The following RABGAP1L variants were observed in gnomAD, a reference collection of about 807,000 sequenced individuals.
RABGAP1L encodes rab GTPase-activating protein 1-like.
A neutral mutation model predicts 137.7 loss-of-function variants in RABGAP1L; 63 were observed. The observed-to-expected ratio is 0.46, with a 90% confidence interval of 0.37 to 0.56. The LOEUF (loss-of-function observed/expected upper bound fraction) is 0.56, where lower values mean the gene tolerates loss of function less well. Ranked by LOEUF, RABGAP1L falls within the 20% of genes least tolerant of loss-of-function variation. The pLI is 0.00. For missense variants in RABGAP1L, 1,095 were observed against 1,244.0 expected, an observed-to-expected ratio of 0.88 and a Z score of 1.80; for synonymous variants, 431 against 433.7, an observed-to-expected ratio of 0.99 and a Z score of 0.08.
chr1:174,159,707 G>C (rs1190145492), intron 1 of RABGAP1L, 50 bp downstream of exon 1: 2 of 152,424 alleles, frequency 1.3e-5, no homozygotes, highest in East Asian at 3.9e-4. Context: ...CGGCGGCCCG[G>C]ATCCGCGGGC....
intron 19 of RABGAP1L, chr1:174,893,299 T>A (rs1026712465): frequency 6.6e-6 from 1 of 152,348 alleles, no homozygotes; most frequent in Non-Finnish European, 1.5e-5. Flanking sequence ...TCTTGGCCAC[T>A]GAAATCACAG....
chr1:174,947,038 C>T lies in RABGAP1L; in HGVS notation c.2341-10419C>T, dbSNP rs1315291134. 2.1e-5 allele frequency among the ~76,000 whole-genome samples: 3 copies of T among 143,852 alleles called. No homozygotes were observed. In the East Asian group the frequency reaches 6.0e-4, roughly 29 times the overall value. 94.4% of individuals were successfully genotyped at this position (143,852 alleles called of 152,430 possible). A position where few individuals can be genotyped will look rare whatever the true frequency, so the allele number is the denominator to read the frequency against. Reference sequence around the variant, plus strand: ...TTCAGTGCTTAGGTCAGTGCTGCAGCATGCATTTTGTGCTCAATTAAAGGA... The same window carrying T: ...TTCAGTGCTTAGGTCAGTGCTGCAGTATGCATTTTGTGCTCAATTAAAGGA... On this transcript the variant is annotated intron_variant, in intron 19 of 25. Coordinates refer to ENST00000681986, the MANE Select transcript of RABGAP1L (RefSeq NM_001366446.1).
chr1:174,492,451 C>T (rs1420975698), intron 13 of RABGAP1L, among the ~76,000 whole-genome samples: 3 of 151,126 alleles, frequency 2.0e-5, no homozygotes, highest in Non-Finnish European at 2.9e-5. Context: ...CAGATTCAAG[C>T]GATTCTCCAT....
In RABGAP1L at chr1:174,562,014, T is replaced by C. The variant is rs142144759; in HGVS notation, c.1711-75361T>C. ...GCCAAAATTGACACATGGGATCTAA[T>C]TAAACTAAAGAGCTTCTGCACAGAA... On this transcript the variant is annotated intron_variant, in intron 13 of 25. Transcript: ENST00000681986. Among the ~76,000 whole-genome samples, 604 of 152,284 alleles carry C rather than the reference T, an allele frequency of 4.0e-3. 5 individuals carry two copies. The highest frequency in any genetic ancestry group is 0.013 in the African/African-American group (524 of 41,554).
intron 13 of RABGAP1L, among the ~76,000 whole-genome samples, chr1:174,554,695 A>T (rs1179344529): frequency 6.6e-6 from 1 of 152,222 alleles, no homozygotes; most frequent in Non-Finnish European, 1.5e-5. Context: ...GTTTAAAATT[A>T]ACATTTTCTG....
At chr1:174,716,069 T>A (rs1252101579) in intron 17 of RABGAP1L, among the ~76,000 whole-genome samples, 1 of 152,254 alleles carries the variant, frequency 6.6e-6, no homozygotes, top group Non-Finnish European at 1.5e-5. Context: ...TAACTTATAA[T>A]ACATAATACA....
At chr1:174,721,561 G>A (rs933330573) in intron 17 of RABGAP1L, among the ~76,000 whole-genome samples, 2 of 152,204 alleles carry the variant, frequency 1.3e-5, no homozygotes, top group African/African-American at 4.8e-5. Context: ...CTCAGCAATA[G>A]TATCTGGATC....
intron 13 of RABGAP1L, 44 bp from the exon 14 acceptor site, chr1:174,637,331 T>C (rs1557935966): frequency 7.3e-7 from 1 of 1,365,266 alleles, no homozygotes; most frequent in Admixed American, 1.8e-5. Context: ...ATTTCATAAC[T>C]GGGAAAAAAT....
chr1:174,358,418 T>C lies in RABGAP1L; in HGVS notation c.1466-12561T>C, dbSNP rs150104229. Reference sequence around the variant, plus strand: ...TCCTGATTGGTTGATTTCCAAGCTCTAAACCAGAGATCTCTGTCAGATGTT... The same window carrying C: ...TCCTGATTGGTTGATTTCCAAGCTCCAAACCAGAGATCTCTGTCAGATGTT... On this transcript the variant is annotated intron_variant, in intron 11 of 25. Coordinates refer to ENST00000681986, the MANE Select transcript of RABGAP1L (RefSeq NM_001366446.1). Among the ~76,000 whole-genome samples the C allele has an allele frequency of 2.6e-5, 4 of 152,336 alleles. No homozygotes were observed. In the South Asian group the frequency reaches 8.3e-4, roughly 32 times the overall value.
intron 13 of RABGAP1L, among the ~76,000 whole-genome samples, chr1:174,555,685 CT>C (rs1222731311): frequency 2.6e-5 from 4 of 152,152 alleles, no homozygotes; most frequent in African/African-American, 9.6e-5. Context: ...AAAAAGATCA[CT>C]TTTGGTTTGC....
intron 13 of RABGAP1L, among the ~76,000 whole-genome samples, chr1:174,597,556 A>AT (rs907328036): frequency 2.7e-5 from 4 of 149,394 alleles, no homozygotes; most frequent in East Asian, 2.0e-4. Flanking sequence ...ATCAGTTGTA[A>AT]TTTTTTTTTA....
intron 13 of RABGAP1L, among the ~76,000 whole-genome samples, chr1:174,438,536 A>G (rs1301474497): frequency 1.1e-4 from 16 of 151,680 alleles, no homozygotes; most frequent in Non-Finnish European, 2.4e-4. Context: ...TGGTCAACAT[A>G]GTGAAACCCC....
At chr1:174,645,518 CT>C (rs1317349414) in intron 14 of RABGAP1L, among the ~76,000 whole-genome samples, 1 of 151,872 alleles carries the variant, frequency 6.6e-6, no homozygotes, top group African/African-American at 2.4e-5. Flanking sequence ...TGGTTTCCAG[CT>C]TCATCCATGT....
At chr1:174,219,354 G>A (rs1669583381) in intron 2 of RABGAP1L, 59 bp downstream of exon 2, 4 of 1,227,420 alleles carry the variant, frequency 3.3e-6, no homozygotes, top group African/African-American at 3.2e-5. Context: ...TTGAAACTTA[G>A]GAGATGTGTA....
Position 174,787,418 on chromosome 1 carries a change from A to T in RABGAP1L, c.2212-24414A>T, listed in dbSNP as rs1028008809. 4.1e-3 allele frequency among the ~76,000 whole-genome samples: 623 copies of T among 152,032 alleles called. 3 individuals carry two copies. Among genetic ancestry groups the T allele is most frequent in the Middle Eastern group, 0.014 (4 of 294 alleles). On this transcript the variant is annotated intron_variant, in intron 18 of 25. Coordinates refer to ENST00000681986, the MANE Select transcript of RABGAP1L (RefSeq NM_001366446.1). ...ACTCTGTGTCAAAAAAAAAAAAAAA[A>T]AAATAAGAGAAAGTGACATCTGACT... is the stretch of plus-strand genomic sequence containing the variant.
At chr1:174,698,210 A>G (rs763106416) in intron 15 of RABGAP1L, among the ~76,000 whole-genome samples, 9 of 152,238 alleles carry the variant, frequency 5.9e-5, no homozygotes, top group Non-Finnish European at 1.2e-4. Context: ...TTGAATAAGT[A>G]CAACTTTTTC....
chr1:174,369,420 A>AG (rs1260185082), intron 11 of RABGAP1L, among the ~76,000 whole-genome samples: 1 of 152,166 alleles, frequency 6.6e-6, no homozygotes, highest in African/African-American at 2.4e-5. Context: ...CAAACCCCTG[A>AG]GCTCAGGCCC....
In RABGAP1L at chr1:174,981,550, C is replaced by CTTTTTTTTTTTTTTTTTTTTTTTTTT. The variant is rs10556099; in HGVS notation, c.2734-1278_2734-1253dup. Among the ~76,000 whole-genome samples, 6 of 66,432 alleles carry CTTTTTTTTTTTTTTTTTTTTTTTTTT rather than the reference C, an allele frequency of 9.0e-5. 1 individual carries two copies. Among genetic ancestry groups the CTTTTTTTTTTTTTTTTTTTTTTTTTT allele is most frequent in the East Asian group, 6.7e-4 (1 of 1,486 alleles). 43.6% of individuals were successfully genotyped at this position (66,432 alleles called of 152,430 possible). A position where few individuals can be genotyped will look rare whatever the true frequency, so the allele number is the denominator to read the frequency against. The stretch of plus-strand genomic sequence containing the variant: ...AATTTCACATCCCCTGTTTTTCCAT[C>CTTTTTTTTTTTTTTTTTTTTTTTTTT]TTTTTTTTTTTTTTTTTTTTTTTTT... On this transcript the variant is annotated intron_variant, in intron 23 of 25. Coordinates refer to ENST00000681986, the MANE Select transcript of RABGAP1L (RefSeq NM_001366446.1).
intron 1 of RABGAP1L, among the ~76,000 whole-genome samples, chr1:174,164,452 G>A (rs1052147940): frequency 2.6e-5 from 4 of 152,056 alleles, no homozygotes; most frequent in Non-Finnish European, 4.4e-5. Flanking sequence ...TTCCGCAAGC[G>A]CACACACACA....
Sources: gnomAD v4.1 joint callset for allele counts (sites outside exome capture counted in the v4.1 genomes callset) on GRCh38, gnomAD v4.1.1 for gene constraint, MANE v1.5 for transcripts, NCBI Gene and HGNC (gene_info 2026-07-23, HGNC 2026-07-21) for gene names.